The following ADGRL3 variants were observed in gnomAD, a reference collection of about 807,000 sequenced individuals.
ADGRL3 encodes calcium-independent alpha-latrotoxin receptor 3.
Under a neutral mutation model 153.5 loss-of-function variants are expected in ADGRL3, and 62 were observed. That is an observed-to-expected ratio of 0.40 (90% CI 0.33 to 0.50). The LOEUF (loss-of-function observed/expected upper bound fraction) is 0.50. Ranked by LOEUF, ADGRL3 falls within the 20% of genes least tolerant of loss-of-function variation. ADGRL3 has a pLI of 0.47. For missense variants in ADGRL3, 1,641 were observed against 1,859.4 expected, an observed-to-expected ratio of 0.88 and a Z score of 2.16; for synonymous variants, 710 against 672.5, an observed-to-expected ratio of 1.06 and a Z score of -0.86.
At chr4:61,933,862 A>G (rs2098827702) in intron 13 of ADGRL3, 1 of 152,128 alleles carries the variant, frequency 6.6e-6, no homozygotes, top group Non-Finnish European at 1.5e-5. Context: ...CTGCCTGTTA[A>G]CTGTGCCTGT....
At chr4:61,585,198 C>G (rs2098941403) in intron 4 of ADGRL3, among the ~76,000 whole-genome samples, 1 of 151,668 alleles carries the variant, frequency 6.6e-6, no homozygotes, top group South Asian at 2.1e-4. Flanking sequence ...TGCTGAACAC[C>G]AACCAGAATG....
intron 17 of ADGRL3, among the ~76,000 whole-genome samples, chr4:61,963,314 G>A (rs904504813): frequency 6.6e-5 from 10 of 151,458 alleles, no homozygotes; most frequent in African/African-American, 2.2e-4. Context: ...TTGTGACATG[G>A]GTAAATTGCA....
chr4:61,412,280 G>T lies in ADGRL3; in HGVS notation c.-174+29091G>T, dbSNP rs138036916. Among the ~76,000 whole-genome samples, 1,186 of 152,140 alleles carry T rather than the reference G, an allele frequency of 7.8e-3. 23 individuals are homozygous for T. The highest frequency in any genetic ancestry group is 0.027 in the African/African-American group (1,117 of 41,500). On this transcript the variant is annotated intron_variant, in intron 2 of 26. Coordinates refer to ENST00000683033, the MANE Select transcript of ADGRL3 (RefSeq NM_001387552.1). ...AATAAATTTTTTTCATAGGGACAGG[G>T]TCTTGTTTTGTTGCTTAGTCTGGTC...
chr4:61,948,978 T>C (rs1310787574), intron 17 of ADGRL3, among the ~76,000 whole-genome samples: 1 of 147,286 alleles, frequency 6.8e-6, no homozygotes, highest in Non-Finnish European at 1.5e-5. Flanking sequence ...AGAAATGCAG[T>C]AACTATCAGA....
intron 9 of ADGRL3, among the ~76,000 whole-genome samples, chr4:61,886,658 T>C (rs1186831889): frequency 8.4e-5 from 12 of 143,418 alleles, no homozygotes; most frequent in Non-Finnish European, 1.7e-4. Context: ...GTTTGTTTGT[T>C]TGTGACAGAG....
chr4:61,506,932 G>A (rs2098434560), intron 3 of ADGRL3, among the ~76,000 whole-genome samples: 1 of 151,848 alleles, frequency 6.6e-6, no homozygotes, highest in Non-Finnish European at 1.5e-5. Flanking sequence ...GGTTAAAAAC[G>A]TAAAAATAAA....
rs186605320 is a variant in ADGRL3, at chr4:61,678,976, C to T, written c.583+2041C>T. On this transcript the variant is annotated intron_variant, in intron 6 of 26. Coordinates refer to ENST00000683033, the MANE Select transcript of ADGRL3 (RefSeq NM_001387552.1). ...ATTGGTTTAGGAGAGAGAAAGACAACCAGAGATCAGAGAGCATGGGTGCTT... is the reference window on the plus strand; with the variant it reads ...ATTGGTTTAGGAGAGAGAAAGACAATCAGAGATCAGAGAGCATGGGTGCTT... Among the ~76,000 whole-genome samples the T allele has an allele frequency of 8.7e-4, 132 of 152,068 alleles. 2 individuals are homozygous for T. Among genetic ancestry groups the T allele is most frequent in the African/African-American group, 3.1e-3 (129 of 41,508 alleles).
intron 4 of ADGRL3, among the ~76,000 whole-genome samples, chr4:61,541,842 TACACACACACACACACACACACACACAC>T: frequency 6.8e-6 from 1 of 146,572 alleles, no homozygotes; most frequent in Admixed American, 6.8e-5. Context: ...TGTGTGTGTA[TACACACACACACACACACACACACACAC>T]ACACACTAGT....
intron 5 of ADGRL3, among the ~76,000 whole-genome samples, chr4:61,643,469 AC>A (rs1200692613): frequency 6.6e-6 from 1 of 151,782 alleles, no homozygotes; most frequent in Non-Finnish European, 1.5e-5. Context: ...TCCCATCAAT[AC>A]CTAATTTATT....
chr4:61,612,317 C>T (rs1435054435), intron 5 of ADGRL3, among the ~76,000 whole-genome samples: 3 of 152,128 alleles, frequency 2.0e-5, no homozygotes. Context: ...AGCCTTCTCT[C>T]TTCACTTGTG....
intron 5 of ADGRL3, among the ~76,000 whole-genome samples, chr4:61,650,597 T>C (rs1387254514): frequency 2.0e-5 from 3 of 152,146 alleles, no homozygotes; most frequent in African/African-American, 7.2e-5. Context: ...TTTATTTTCT[T>C]TAAATATATT....
intron 8 of ADGRL3, among the ~76,000 whole-genome samples, chr4:61,761,293 G>A (rs369139578): frequency 3.7e-4 from 56 of 152,336 alleles, no homozygotes; most frequent in African/African-American, 1.3e-3. Context: ...GGAAAGGGCT[G>A]TTATCATCTT....
At chr4:61,902,949 A>T (rs1242499215) in intron 11 of ADGRL3, among the ~76,000 whole-genome samples, 2 of 152,154 alleles carry the variant, frequency 1.3e-5, no homozygotes, top group African/African-American at 4.8e-5. Context: ...TTCAACACTG[A>T]CCTTAGCACA....
intron 8 of ADGRL3, among the ~76,000 whole-genome samples, chr4:61,748,558 T>C (rs1056932528): frequency 2.6e-5 from 4 of 152,100 alleles, no homozygotes; most frequent in Admixed American, 1.3e-4. Flanking sequence ...TAACGCTGCA[T>C]ATCTACAACT....
rs368507743 is a variant in ADGRL3 at position 61,764,521 on chromosome 4, T to G, written c.1399+30967T>G. 3.4e-4 allele frequency among the ~76,000 whole-genome samples: 51 copies of G among 151,504 alleles called. No homozygotes were observed. In the East Asian group the frequency reaches 5.9e-3, roughly 17 times the overall value. On this transcript the variant is annotated intron_variant, in intron 8 of 26. Transcript: ENST00000683033. Reference sequence around the variant, plus strand: ...GGAAAAGGACTTTCACAAGGTAATGTCATCAGTTAAGGCAAGGACCGGCCA... The same window carrying G: ...GGAAAAGGACTTTCACAAGGTAATGGCATCAGTTAAGGCAAGGACCGGCCA...
intron 8 of ADGRL3, among the ~76,000 whole-genome samples, chr4:61,766,810 A>G (rs1234856867): frequency 1.3e-5 from 2 of 151,932 alleles, no homozygotes; most frequent in Non-Finnish European, 2.9e-5. Context: ...AATGGGTTGT[A>G]GAGGCAGGTA....
At chr4:61,381,064 G>C (rs975529596) in intron 1 of ADGRL3, among the ~76,000 whole-genome samples, 3 of 151,836 alleles carry the variant, frequency 2.0e-5, no homozygotes, top group Admixed American at 6.6e-5. Flanking sequence ...GTCCTTGGTT[G>C]GAGCTGTCTG....
At chr4:61,513,579 C>T (rs2098475242) in intron 3 of ADGRL3, among the ~76,000 whole-genome samples, 1 of 151,944 alleles carries the variant, frequency 6.6e-6, no homozygotes, top group Non-Finnish European at 1.5e-5. Context: ...CACGCTTGCC[C>T]ACTAGGAAAG....
chr4:61,841,298 C>T (rs1003399595), intron 9 of ADGRL3, among the ~76,000 whole-genome samples: 3 of 128,214 alleles, frequency 2.3e-5, no homozygotes, highest in African/African-American at 1.1e-4. Flanking sequence ...TTCCAATAAG[C>T]TGGAGGCTCA....
Sources: gnomAD v4.1 joint callset for allele counts (sites outside exome capture counted in the v4.1 genomes callset) on GRCh38, gnomAD v4.1.1 for gene constraint, MANE v1.5 for transcripts, NCBI Gene and HGNC (gene_info 2026-07-23, HGNC 2026-07-21) for gene names.